The following ITPR1 variants were observed in gnomAD, a reference collection of about 807,000 sequenced individuals.
ITPR1 encodes the protein inositol 1,4,5-trisphosphate-gated calcium channel ITPR1.
Under a neutral mutation model 318.4 loss-of-function variants are expected in ITPR1, and 96 were observed. The observed-to-expected ratio is 0.30, with a 90% confidence interval of 0.26 to 0.36. The LOEUF (loss-of-function observed/expected upper bound fraction) is 0.36. Ranked by LOEUF, ITPR1 falls within the 10% of genes least tolerant of loss-of-function variation. The pLI is 1.00. For missense variants in ITPR1, 2,440 were observed against 3,460.2 expected (o/e 0.71, Z 7.40); for synonymous variants, 1,312 against 1,289.9 (o/e 1.02, Z -0.37).
intron 51 of ITPR1, 31 bp downstream of exon 51, chr3:4,783,951 T>C (rs2046998196): frequency 1.3e-6 from 2 of 1,486,094 alleles, no homozygotes. Flanking sequence ...GGGCATGGGG[T>C]TGTGTTGAGG....
chr3:4,595,679 C>G (rs370576573), intron 4 of ITPR1, among the ~76,000 whole-genome samples: 1 of 150,044 alleles, frequency 6.7e-6, no homozygotes, highest in African/African-American at 2.5e-5. Flanking sequence ...ACAAGGACAG[C>G]AAGGCCAAGA....
At chr3:4,514,509 T>C (rs938023839) in intron 2 of ITPR1, among the ~76,000 whole-genome samples, 4 of 151,912 alleles carry the variant, frequency 2.6e-5, no homozygotes, top group Non-Finnish European at 5.9e-5. Flanking sequence ...GTGGCGGTGA[T>C]GGTTCACAAA....
chr3:4,757,703 G>T (rs2045110910), intron 44 of ITPR1, among the ~76,000 whole-genome samples: 1 of 152,196 alleles, frequency 6.6e-6, no homozygotes. Flanking sequence ...ACCCCATGGG[G>T]TGCTTCTGAG....
At chr3:4,540,595 T>G (rs1210068427) in intron 4 of ITPR1, among the ~76,000 whole-genome samples, 1 of 152,208 alleles carries the variant, frequency 6.6e-6, no homozygotes, top group Non-Finnish European at 1.5e-5. Context: ...TGTGTGCACG[T>G]GTGTGTGTTT....
chr3:4,628,090 G>C (rs1282342884), intron 5 of ITPR1, among the ~76,000 whole-genome samples: 1 of 152,148 alleles, frequency 6.6e-6, no homozygotes, highest in African/African-American at 2.4e-5. Flanking sequence ...TCTTTTCTCA[G>C]CCACTCTCTT....
intron 4 of ITPR1, among the ~76,000 whole-genome samples, chr3:4,623,744 T>G (rs2092722934): frequency 6.6e-6 from 1 of 152,228 alleles, no homozygotes; most frequent in Non-Finnish European, 1.5e-5. Context: ...AATTTAATTT[T>G]CACTTTGAAT....
intron 61 of ITPR1, among the ~76,000 whole-genome samples, chr3:4,843,746 G>A (rs1456394777): frequency 6.6e-6 from 1 of 152,172 alleles, no homozygotes; most frequent in Non-Finnish European, 1.5e-5. Flanking sequence ...GGGAGGGTGG[G>A]CGATGGGATC....
intron 4 of ITPR1, among the ~76,000 whole-genome samples, chr3:4,569,181 G>A (rs1188411404): frequency 6.6e-6 from 1 of 152,060 alleles, no homozygotes; most frequent in Non-Finnish European, 1.5e-5. Context: ...CTTTTATCTT[G>A]TAGAATCCAG....
chr3:4,744,365 T>C (rs1423350085), intron 44 of ITPR1, among the ~76,000 whole-genome samples: 1 of 152,224 alleles, frequency 6.6e-6, no homozygotes, highest in African/African-American at 2.4e-5. Flanking sequence ...TAACTTTCTT[T>C]AGTGACTTCC....
intron 59 of ITPR1, 52 bp from the exon 60 acceptor site, chr3:4,818,030 T>C: frequency 6.7e-7 from 1 of 1,490,016 alleles, no homozygotes; most frequent in East Asian, 2.4e-5. Context: ...TGATTTTTTT[T>C]CTTTACCAAG....
intron 39 of ITPR1, among the ~76,000 whole-genome samples, chr3:4,712,131 C>T (rs938591992): frequency 6.6e-6 from 1 of 152,308 alleles, no homozygotes; most frequent in South Asian, 2.1e-4. Context: ...GTGGTAATAA[C>T]AAGATTTTCC....
At chr3:4,678,180 G>A (rs987088797) in intron 24 of ITPR1, among the ~76,000 whole-genome samples, 2 of 152,156 alleles carry the variant, frequency 1.3e-5, no homozygotes, top group Admixed American at 6.5e-5. Flanking sequence ...TCAAAGTCAT[G>A]TAATTAGGAC....
At chr3:4,557,249 A>G (rs2086219260) in intron 4 of ITPR1, among the ~76,000 whole-genome samples, 1 of 152,366 alleles carries the variant, frequency 6.6e-6, no homozygotes, top group East Asian at 1.9e-4. Flanking sequence ...GAAATAAGAC[A>G]CATCTTACAT....
intron 2 of ITPR1, among the ~76,000 whole-genome samples, chr3:4,497,442 G>T (rs540083493): frequency 2.0e-5 from 3 of 152,130 alleles, no homozygotes; most frequent in South Asian, 2.1e-4. Context: ...AAACCATCCC[G>T]TTCCCAAGAG....
chr3:4,609,685 G>A (rs1489051925), intron 4 of ITPR1, among the ~76,000 whole-genome samples: 1 of 150,354 alleles, frequency 6.7e-6, no homozygotes, highest in African/African-American at 2.5e-5. Context: ...GGGACAGATG[G>A]GGTGGTGGCT....
chr3:4,807,294 C>G (rs2048640910), intron 55 of ITPR1, among the ~76,000 whole-genome samples: 1 of 152,140 alleles, frequency 6.6e-6, no homozygotes, highest in South Asian at 2.1e-4. Context: ...ATTGCGTTTT[C>G]TTAAAGTGAA....
chr3:4,717,535 T>G, intron 40 of ITPR1, 136 bp downstream of exon 40: 2 of 772,160 alleles, frequency 2.6e-6, no homozygotes, highest in South Asian at 2.9e-5. Context: ...CCTCTGGGAG[T>G]GAGTGGAGTC....
chr3:4,731,752 C>T (rs1258205542), intron 42 of ITPR1, among the ~76,000 whole-genome samples: 1 of 152,142 alleles, frequency 6.6e-6, no homozygotes, highest in Non-Finnish European at 1.5e-5. Context: ...CCCACTTCTC[C>T]CAGGGTGCCT....
chr3:4,693,556 C>G lies in ITPR1; in HGVS notation c.4096C>G (p.Gln1366Glu). 1 of 1,613,958 alleles carries G rather than the reference C, an allele frequency of 6.2e-7. No individual in the cohort carries two copies. The highest frequency in any genetic ancestry group is 8.5e-7 in the Non-Finnish European group (1 of 1,179,850). Reference protein sequence around the residue: ...NDRASFQTLIQMMRSERDRMD... With the variant: ...NDRASFQTLIEMMRSERDRMD... ...CAGAGCCTCTTTCCAGACTCTGATC[C>G]AGATGATGCGGTCAGAACGGGATCG... Residue 1366 changes from glutamine (Q) to glutamate (E), a missense_variant, in exon 33 of 62, where the codon CAG becomes GAG. This residue lies in a region of ITPR1 where 222 missense variants were observed against 318.8 expected (regional missense o/e 0.70). Coordinates refer to ENST00000649015, the MANE Select transcript of ITPR1 (RefSeq NM_001378452.1).
Sources: gnomAD v4.1 joint callset for allele counts (sites outside exome capture counted in the v4.1 genomes callset) on GRCh38, gnomAD v4.1.1 for gene constraint, gnomAD v4.1.1 regional missense constraint, MANE v1.5 for transcripts, NCBI Gene and HGNC (gene_info 2026-07-23, HGNC 2026-07-21) for gene names.